SUDS3: variants seen among roughly 807,000 people sequenced by gnomAD.
SUDS3 encodes the protein sin3 histone deacetylase corepressor complex component SDS3.
Under a neutral mutation model 53.5 loss-of-function variants are expected in SUDS3, and 23 were observed. The ratio of observed to expected loss-of-function variants is 0.43; its 90% CI spans 0.31 to 0.61. The LOEUF (loss-of-function observed/expected upper bound fraction) is 0.61, where lower values mean the gene tolerates loss of function less well. Ranked by LOEUF, SUDS3 falls within the 20% of genes least tolerant of loss-of-function variation. SUDS3 has a pLI of 0.10. For synonymous variants in SUDS3, 150 were observed against 148.5 expected (o/e 1.01, Z -0.08); for missense variants, 291 against 405.9 (o/e 0.72, Z 2.43).
chr12:118,400,714 T>C lies in SUDS3; in HGVS notation c.573T>C (p.Asp191=). Reference sequence around the variant, plus strand: ...GAAAGTTGCGGAGGCGACCAAATGATCCCGTCCCCATCCCAGACAAGAGGA... The same window carrying C: ...GAAAGTTGCGGAGGCGACCAAATGACCCCGTCCCCATCCCAGACAAGAGGA... The part of the protein sequence containing the change: ...MTRKLRRRPN[D]PVPIPDKRRK... Residue 191 remains aspartate, a synonymous_variant, in exon 7 of 12, where the codon GAT becomes GAC. Coordinates refer to ENST00000543473, the MANE Select transcript of SUDS3 (RefSeq NM_022491.3). 2 of 1,613,914 alleles carry C rather than the reference T, an allele frequency of 1.2e-6. No homozygotes were observed. Among genetic ancestry groups the C allele is most frequent in the Non-Finnish European group, 1.7e-6 (2 of 1,179,874 alleles).
rs139191838 is a variant in SUDS3, at chr12:118,412,816, G to T, written c.889-1519G>T. Among the ~76,000 whole-genome samples, 7 of 152,322 alleles carry T rather than the reference G, an allele frequency of 4.6e-5. No individual in the cohort carries two copies. The East Asian group carries it at 1.3e-3, about 29-fold the overall frequency. On this transcript the variant is annotated intron_variant, in intron 11 of 11. Coordinates refer to ENST00000543473, the MANE Select transcript of SUDS3 (RefSeq NM_022491.3). The stretch of plus-strand genomic sequence containing the variant: ...TCTTGACATAATAGAGTGTCAGTGA[G>T]ATCTGACAAATGGTGACACTGAAAC...
At position 118,414,722 on chromosome 12, in the gene SUDS3, G is replaced by C. The variant is rs1229929451; in HGVS notation, c.*289G>C. ...CTTTCCTTTTATTTCTTTATTTTTT[G>C]CTTATACTTGTTTTTGAAAACCTCC... is the stretch of plus-strand genomic sequence containing the variant. On this transcript the variant is annotated 3_prime_UTR_variant, in exon 12 of 12. Transcript: ENST00000543473. 3.7e-6 allele frequency: 1 copy of C among 268,632 alleles called. No homozygotes were observed. The highest frequency in any genetic ancestry group is 2.2e-5 in the African/African-American group (1 of 45,166). The allele number at this position is 268,632 out of a possible 1,614,324, so 16.6% of individuals were successfully genotyped here.
At chr12:118,389,811 T>C (rs1346894788) in intron 4 of SUDS3, 116 bp from the exon 5 acceptor site, 15 of 1,258,210 alleles carry the variant, frequency 1.2e-5, no homozygotes, top group Admixed American at 3.8e-5. Flanking sequence ...GATGAAAACA[T>C]TTGCTTTGTA....
rs1430005484 is a variant in SUDS3, at chr12:118,417,708, C to T, written c.*3275C>T. On this transcript the variant is annotated 3_prime_UTR_variant, in exon 12 of 12. Transcript: ENST00000543473. The stretch of plus-strand genomic sequence containing the variant: ...TTTTTTTTTTAAAGAAAACAATAAA[C>T]TTTCAAAGAGAAAACCAGCATGAAG... 6.8e-6 allele frequency: 1 copy of T among 147,572 alleles called. No individual in the cohort carries two copies. Among genetic ancestry groups the T allele is most frequent in the Non-Finnish European group, 1.5e-5 (1 of 67,040 alleles). The allele number at this position is 147,572 out of a possible 1,614,324, so 9.1% of individuals were successfully genotyped here.
chr12:118,404,910 C>T (rs1267117502), intron 10 of SUDS3, among the ~76,000 whole-genome samples: 1 of 152,200 alleles, frequency 6.6e-6, no homozygotes, highest in African/African-American at 2.4e-5. Context: ...GCTTAGGGTT[C>T]TAGTCATGGC....
rs191437265 is a variant in SUDS3 at position 118,417,745 on chromosome 12, T to C, written c.*3312T>C. On this transcript the variant is annotated 3_prime_UTR_variant, in exon 12 of 12. Coordinates refer to ENST00000543473, the MANE Select transcript of SUDS3 (RefSeq NM_022491.3). ...AAACCAGCATGAAGTCTGTATTGTATCCATTGACTTGATAAGTGATAGAAA... is the reference window on the plus strand; with the variant it reads ...AAACCAGCATGAAGTCTGTATTGTACCCATTGACTTGATAAGTGATAGAAA... The C allele has an allele frequency of 5.9e-5, 9 of 152,114 alleles. No homozygotes were observed. The highest frequency in any genetic ancestry group is 5.9e-4 in the Admixed American group (9 of 15,270). The allele number at this position is 152,114 out of a possible 1,614,324, so 9.4% of individuals were successfully genotyped here.
chr12:118,386,222 ATGTT>A (rs1566198268), intron 4 of SUDS3, 37 bp downstream of exon 4: 4 of 1,511,076 alleles, frequency 2.6e-6, no homozygotes, highest in African/African-American at 1.4e-5. Context: ...TCATCTTTCA[ATGTT>A]TGACCATTTG....
At chr12:118,398,006 C>T (rs1198253697) in intron 6 of SUDS3, among the ~76,000 whole-genome samples, 2 of 152,120 alleles carry the variant, frequency 1.3e-5, no homozygotes, top group African/African-American at 2.4e-5. Flanking sequence ...ACTTTATTTT[C>T]CAAATTAGGT....
intron 1 of SUDS3, among the ~76,000 whole-genome samples, chr12:118,377,897 G>T (rs1186496229): frequency 6.6e-6 from 1 of 152,218 alleles, no homozygotes; most frequent in Non-Finnish European, 1.5e-5. Context: ...ACTCAGGGAA[G>T]GCCTCTTGAC....
At position 118,395,222 on chromosome 12, in the gene SUDS3, T is replaced by G. The variant is rs1157547402; in HGVS notation, c.517+3940T>G. On this transcript the variant is annotated intron_variant, in intron 6 of 11. Coordinates refer to ENST00000543473, the MANE Select transcript of SUDS3 (RefSeq NM_022491.3). ...CTGGCATTGTGGAATCAGGGTTTTT[T>G]TTTTTTTTTTTTTTTTTTTTTAAGA... Among the ~76,000 whole-genome samples the G allele has an allele frequency of 5.8e-5, 8 of 137,842 alleles. No homozygotes were observed. In the East Asian group the frequency reaches 1.4e-3, roughly 24 times the overall value. 90.4% of individuals were successfully genotyped at this position (137,842 alleles called of 152,430 possible).
chr12:118,394,504 C>T (rs984965715), intron 6 of SUDS3, among the ~76,000 whole-genome samples: 1 of 152,136 alleles, frequency 6.6e-6, no homozygotes, highest in Non-Finnish European at 1.5e-5. Context: ...CTGCAGATAC[C>T]ATAGATACAT....
At chr12:118,382,175 G>A (rs2046070836) in intron 2 of SUDS3, among the ~76,000 whole-genome samples, 1 of 152,028 alleles carries the variant, frequency 6.6e-6, no homozygotes, top group South Asian at 2.1e-4. Flanking sequence ...GAGTAGCTGG[G>A]ACTACAGGCA....
chr12:118,383,992 T>A lies in SUDS3; in HGVS notation c.213-20T>A. 6.3e-7 allele frequency: 1 copy of A among 1,596,646 alleles called. No individual in the cohort carries two copies. Among genetic ancestry groups the A allele is most frequent in the Non-Finnish European group, 8.5e-7 (1 of 1,171,520 alleles). On this transcript the variant is annotated intron_variant, in intron 2 of 11. Coordinates refer to ENST00000543473, the MANE Select transcript of SUDS3 (RefSeq NM_022491.3). ...TATTGAATGTTTTTATCTGTTAGTG[T>A]GACTTTTTTTTTTTTATAGGATGTA...
chr12:118,403,325 T>C (rs1566207062), intron 9 of SUDS3, 87 bp from the exon 10 acceptor site: 1 of 1,002,882 alleles, frequency 1.0e-6, no homozygotes, highest in Non-Finnish European at 1.5e-6. Context: ...TACCACATTC[T>C]GATAGTGTTT....
chr12:118,383,797 A>T (rs1477244558), intron 2 of SUDS3, among the ~76,000 whole-genome samples: 1 of 152,206 alleles, frequency 6.6e-6, no homozygotes, highest in Non-Finnish European at 1.5e-5. Context: ...CAAAATTAGA[A>T]TAAGATTGAG....
intron 3 of SUDS3, 101 bp from the exon 4 acceptor site, chr12:118,386,013 C>T: frequency 2.2e-6 from 2 of 927,054 alleles, no homozygotes; most frequent in Non-Finnish European, 3.4e-6. Flanking sequence ...TTTGGTGTTA[C>T]TGAAACAGTC....
At chr12:118,396,038 G>A (rs4767671) in intron 6 of SUDS3, among the ~76,000 whole-genome samples, 16,077 of 151,908 alleles carry the variant, frequency 0.11, 1,116 homozygotes, top group Middle Eastern at 0.17. Flanking sequence ...TGTTACCACC[G>A]CAGCATTAAT....
chr12:118,389,954 C>T lies in SUDS3; in HGVS notation c.360+8C>T. The T allele has an allele frequency of 1.2e-6, 2 of 1,613,996 alleles. No homozygotes were observed. Among genetic ancestry groups the T allele is most frequent in the South Asian group, 2.2e-5 (2 of 91,088 alleles). On this transcript the variant is annotated splice_region_variant and intron_variant, in intron 5 of 11. Transcript: ENST00000543473. ...CTCTTCCTCCAGCTGGAAGTAAGTA[C>T]CACGGATCTTCTGGGTTTGCAGGCC...
rs150617888 is a variant in SUDS3, at chr12:118,381,011, T to C, written c.212+780T>C. On this transcript the variant is annotated intron_variant, in intron 2 of 11. Coordinates refer to ENST00000543473, the MANE Select transcript of SUDS3 (RefSeq NM_022491.3). ...AGCCACTGCGCCCGGACCTTTTTTTTTCTTTTCTTTTTTAATGGGCAAACC... is the reference window on the plus strand; with the variant it reads ...AGCCACTGCGCCCGGACCTTTTTTTCTCTTTTCTTTTTTAATGGGCAAACC... Among the ~76,000 whole-genome samples, 532 of 152,200 alleles carry C rather than the reference T, an allele frequency of 3.5e-3. 4 individuals carry two copies. The highest frequency in any genetic ancestry group is 0.012 in the African/African-American group (510 of 41,524).
Sources: allele counts gnomAD v4.1 joint callset (sites outside exome capture counted in the v4.1 genomes callset), GRCh38; gene constraint gnomAD v4.1.1; transcripts MANE v1.5; gene names NCBI Gene and HGNC (gene_info 2026-07-23, HGNC 2026-07-21).